Variants in FAM167A observed in about 807,000 individuals in gnomAD.
The protein encoded by FAM167A is protein FAM167A.
In FAM167A, 23 loss-of-function variants were observed where a neutral mutation model predicts 14.9. The ratio of observed to expected loss-of-function variants is 1.55; its 90% CI spans 1.11 to 2.19. FAM167A has a LOEUF of 2.19. Among genes scored for constraint, FAM167A ranks in the 30% most tolerant of loss-of-function variants. The pLI is 0.00. For missense variants in FAM167A, 401 were observed against 281.5 expected (o/e 1.42, Z -3.04); for synonymous variants, 174 against 117.7 (o/e 1.48, Z -3.10).
chr8:11,464,214 T>G (rs1807660279), intron 1 of FAM167A, among the ~76,000 whole-genome samples: 1 of 152,078 alleles, frequency 6.6e-6, no homozygotes, highest in South Asian at 2.1e-4. Context: ...GTCCTTCCTC[T>G]CCAACACTTC....
chr8:11,463,614 C>T (rs1016985390), intron 1 of FAM167A, among the ~76,000 whole-genome samples: 2 of 152,170 alleles, frequency 1.3e-5, no homozygotes. Context: ...TGGGGTCTGA[C>T]CTGGGCCTGT....
chr8:11,430,919 G>C (rs557410409), intron 2 of FAM167A, among the ~76,000 whole-genome samples: 1 of 152,286 alleles, frequency 6.6e-6, no homozygotes, highest in East Asian at 1.9e-4. Context: ...GGATTTTCCT[G>C]GGGAGTCAGA....
intron 1 of FAM167A, among the ~76,000 whole-genome samples, chr8:11,454,786 A>G (rs933026377): frequency 6.6e-6 from 1 of 152,092 alleles, no homozygotes; most frequent in African/African-American, 2.4e-5. Flanking sequence ...CCCAACACTT[A>G]TCTCACCCAG....
chr8:11,431,863 G>T (rs1805615334), intron 2 of FAM167A, among the ~76,000 whole-genome samples: 1 of 127,316 alleles, frequency 7.9e-6, no homozygotes, highest in African/African-American at 3.2e-5. Flanking sequence ...GGAGATGGGG[G>T]CCACAGAAGG....
At chr8:11,438,100 C>T (rs3021516) in intron 2 of FAM167A, 4,863 of 456,484 alleles carry the variant, frequency 0.011, 37 homozygotes, top group Non-Finnish European at 0.016. Context: ...CACCCCAGCA[C>T]GGAAGCCAGG....
intron 1 of FAM167A, among the ~76,000 whole-genome samples, chr8:11,458,221 TG>T (rs1271555598): frequency 2.6e-5 from 4 of 152,358 alleles, no homozygotes; most frequent in Admixed American, 2.0e-4. Context: ...GATAGCCTTA[TG>T]TTTGAATTTG....
At chr8:11,428,312 A>G (rs969340193) in intron 2 of FAM167A, among the ~76,000 whole-genome samples, 20 of 152,198 alleles carry the variant, frequency 1.3e-4, no homozygotes, top group African/African-American at 4.6e-4. Flanking sequence ...AAGGTCAGAG[A>G]ACAATTTACT....
chr8:11,451,325 G>T (rs890104036), intron 1 of FAM167A, among the ~76,000 whole-genome samples: 1 of 152,206 alleles, frequency 6.6e-6, no homozygotes, highest in Non-Finnish European at 1.5e-5. Flanking sequence ...GCTGGGCCCC[G>T]TGGGAAGCCA....
At chr8:11,454,830 G>C (rs1380889454) in intron 1 of FAM167A, among the ~76,000 whole-genome samples, 1 of 152,148 alleles carries the variant, frequency 6.6e-6, no homozygotes, top group Non-Finnish European at 1.5e-5. Flanking sequence ...CCTCTGGCTG[G>C]GCTCAGCACT....
intron 1 of FAM167A, among the ~76,000 whole-genome samples, chr8:11,474,211 T>A (rs949336945): frequency 2.0e-5 from 3 of 152,198 alleles, no homozygotes; most frequent in African/African-American, 7.2e-5. Flanking sequence ...CAACTGCTCT[T>A]GGTTTGCGCA....
upstream of FAM167A, among the ~76,000 whole-genome samples, chr8:11,472,045 C>T (rs956553917): frequency 9.2e-5 from 14 of 152,196 alleles, no homozygotes; most frequent in African/African-American, 2.4e-4. Context: ...GAGGAAAGAA[C>T]GAAACCTATT....
intron 2 of FAM167A, among the ~76,000 whole-genome samples, chr8:11,433,101 T>G (rs570266248): frequency 6.6e-6 from 1 of 152,140 alleles, no homozygotes; most frequent in African/African-American, 2.4e-5. Flanking sequence ...AAATACCTAA[T>G]GTAGGTGACG....
In FAM167A at chr8:11,424,273, C is replaced by G. The variant is rs1332041758; in HGVS notation, c.*100G>C. ...GAGTCGCCAGTCCCAGGGACCCCTG[C>G]CTCCGGGAGACCCACTGGAGTAACT... On this transcript the variant is annotated 3_prime_UTR_variant, in exon 3 of 3. Transcript: ENST00000284486. 2.0e-6 allele frequency: 3 copies of G among 1,518,368 alleles called. No homozygotes were observed. The highest frequency in any genetic ancestry group is 2.8e-5 in the African/African-American group (2 of 72,656). The allele number at this position is 1,518,368 out of a possible 1,614,324, so 94.1% of individuals were successfully genotyped here.
intron 1 of FAM167A, among the ~76,000 whole-genome samples, chr8:11,446,855 C>A (rs921585149): frequency 6.6e-6 from 1 of 152,246 alleles, no homozygotes; most frequent in Non-Finnish European, 1.5e-5. Flanking sequence ...GTGCCAGGAT[C>A]TGTTTTGAGC....
At chr8:11,451,700 A>C (rs375547401) in intron 1 of FAM167A, among the ~76,000 whole-genome samples, 10 of 152,074 alleles carry the variant, frequency 6.6e-5, no homozygotes, top group African/African-American at 2.2e-4. Context: ...CCCGACTCTG[A>C]ATTGGGTGCG....
chr8:11,461,487 G>C (rs1283702748), intron 1 of FAM167A, among the ~76,000 whole-genome samples: 2 of 152,236 alleles, frequency 1.3e-5, no homozygotes, highest in African/African-American at 4.8e-5. Flanking sequence ...ACACAGAGTG[G>C]CCTTTAAAGC....
intron 1 of FAM167A, among the ~76,000 whole-genome samples, chr8:11,475,476 T>A (rs1028893586): frequency 8.6e-5 from 13 of 152,018 alleles, no homozygotes; most frequent in South Asian, 4.1e-4. Context: ...TTCTAGGATC[T>A]CAGAGTCTAA....
chr8:11,458,937 T>C lies in FAM167A; in HGVS notation c.-398+7689A>G, dbSNP rs189434808. Among the ~76,000 whole-genome samples the C allele has an allele frequency of 1.7e-4, 26 of 152,364 alleles. 1 individual carries two copies. The highest frequency in any genetic ancestry group is 5.2e-4 in the Admixed American group (8 of 15,302). ...GAGGCTGGAACGGCACTGCCCACAC[T>C]AGCCTGGGCTTCAGGAGGGCGAATT... On this transcript the variant is annotated intron_variant, in intron 1 of 2. Coordinates refer to ENST00000284486, the MANE Select transcript of FAM167A (RefSeq NM_053279.3).
At chr8:11,441,765 G>T (rs1040988699) in intron 2 of FAM167A, among the ~76,000 whole-genome samples, 1 of 152,156 alleles carries the variant, frequency 6.6e-6, no homozygotes, top group Non-Finnish European at 1.5e-5. Context: ...TAGTCTTGTT[G>T]TAAGAATCAG....
Sources: allele counts gnomAD v4.1 joint callset (sites outside exome capture counted in the v4.1 genomes callset), GRCh38; gene constraint gnomAD v4.1.1; transcripts MANE v1.5; gene names NCBI Gene and HGNC (gene_info 2026-07-23, HGNC 2026-07-21).